Variants in ROBO1 observed in about 807,000 individuals in gnomAD.
ROBO1 encodes the protein roundabout guidance receptor 1.
ROBO1 carries 149 observed loss-of-function variants against 195.9 expected under a neutral mutation model. That is an observed-to-expected ratio of 0.76 (90% CI 0.67 to 0.87). The LOEUF is 0.87. Among genes scored for constraint, ROBO1 ranks in the 40% least tolerant of loss-of-function variants. The probability of loss-of-function intolerance (pLI) is 0.00; values close to 1 mark genes in which losing one functional copy is unlikely to be tolerated. For missense variants in ROBO1, 1,933 were observed against 2,068.3 expected (o/e 0.93, Z 1.27); for synonymous variants, 816 against 733.2 (o/e 1.11, Z -1.82).
intron 5 of ROBO1, among the ~76,000 whole-genome samples, chr3:78,730,789 T>A (rs2082268833): frequency 6.6e-6 from 1 of 152,098 alleles, no homozygotes; most frequent in South Asian, 2.1e-4. Context: ...CATAAATAAA[T>A]CCCATATCTT....
intron 4 of ROBO1, among the ~76,000 whole-genome samples, chr3:78,874,627 A>C (rs1012606018): frequency 6.6e-6 from 1 of 151,870 alleles, no homozygotes; most frequent in Non-Finnish European, 1.5e-5. Context: ...CTTTTGCTTT[A>C]TACTAATTAT....
chr3:79,394,195 A>G (rs1016481562), intron 2 of ROBO1, among the ~76,000 whole-genome samples: 1 of 152,156 alleles, frequency 6.6e-6, no homozygotes, highest in Non-Finnish European at 1.5e-5. Flanking sequence ...CAGGTCAGAA[A>G]AGAGTAGACT....
intron 1 of ROBO1, among the ~76,000 whole-genome samples, chr3:79,625,086 C>T (rs1389663692): frequency 1.3e-5 from 2 of 152,006 alleles, no homozygotes; most frequent in Non-Finnish European, 2.9e-5. Flanking sequence ...GAACAACCTG[C>T]TTCTGAATGA....
At chr3:79,610,287 C>G (rs1183234948) in intron 1 of ROBO1, among the ~76,000 whole-genome samples, 1 of 151,458 alleles carries the variant, frequency 6.6e-6, no homozygotes, top group Admixed American at 6.6e-5. Context: ...AAAGTAGGTA[C>G]AATATGATAT....
intron 3 of ROBO1, among the ~76,000 whole-genome samples, chr3:79,089,345 G>A (rs1188441799): frequency 6.6e-6 from 1 of 151,984 alleles, no homozygotes; most frequent in Non-Finnish European, 1.5e-5. Flanking sequence ...CTAAAAATTG[G>A]CACTTTCCAG....
chr3:79,067,180 A>G (rs1209750540), intron 3 of ROBO1, among the ~76,000 whole-genome samples: 1 of 152,006 alleles, frequency 6.6e-6, no homozygotes, highest in Non-Finnish European at 1.5e-5. Flanking sequence ...GATATGTCTC[A>G]TGATTTTAAG....
At chr3:79,316,383 C>A (rs2033739177) in intron 2 of ROBO1, among the ~76,000 whole-genome samples, 2 of 152,128 alleles carry the variant, frequency 1.3e-5, no homozygotes, top group South Asian at 4.1e-4. Context: ...ATGGTTGAAG[C>A]ATATATTTAA....
At chr3:78,901,977 C>T (rs766949336) in intron 4 of ROBO1, among the ~76,000 whole-genome samples, 4 of 152,126 alleles carry the variant, frequency 2.6e-5, no homozygotes, top group African/African-American at 9.7e-5. Flanking sequence ...TTCTTTCCAG[C>T]ATATTACATT....
chr3:79,384,525 C>T (rs2036671068), intron 2 of ROBO1, among the ~76,000 whole-genome samples: 1 of 151,730 alleles, frequency 6.6e-6, no homozygotes, highest in Admixed American at 6.6e-5. Flanking sequence ...AGCACATAAA[C>T]CCAAGAAACT....
intron 4 of ROBO1, among the ~76,000 whole-genome samples, chr3:78,774,735 C>G (rs1302971814): frequency 2.0e-5 from 3 of 152,092 alleles, no homozygotes; most frequent in African/African-American, 7.2e-5. Flanking sequence ...TGTGTCCCTT[C>G]TTGAACAAAC....
At chr3:79,094,589 G>A (rs1238969770) in intron 3 of ROBO1, among the ~76,000 whole-genome samples, 3 of 152,064 alleles carry the variant, frequency 2.0e-5, no homozygotes, top group Non-Finnish European at 2.9e-5. Context: ...TTACTTAAAT[G>A]CTCAAGGATA....
intron 3 of ROBO1, among the ~76,000 whole-genome samples, chr3:79,034,173 T>G (rs190961445): frequency 6.6e-6 from 1 of 152,342 alleles, no homozygotes; most frequent in African/African-American, 2.4e-5. Context: ...ATACTATTAT[T>G]ATAACAAAAT....
intron 4 of ROBO1, among the ~76,000 whole-genome samples, chr3:78,853,820 C>T (rs926050885): frequency 6.6e-6 from 1 of 152,058 alleles, no homozygotes; most frequent in African/African-American, 2.4e-5. Flanking sequence ...GCAAAAAGGA[C>T]ATCTTATGTG....
chr3:78,687,931 G>A (rs12106862), intron 9 of ROBO1, among the ~76,000 whole-genome samples: 38,477 of 152,010 alleles, frequency 0.25, 5,036 homozygotes, highest in African/African-American at 0.31. Context: ...GTGCCCAGCC[G>A]CGTTTTTGTT....
chr3:79,520,157 CAAAA>C (rs111705222), intron 2 of ROBO1, among the ~76,000 whole-genome samples: 1 of 96,464 alleles, frequency 1.0e-5, no homozygotes, highest in Non-Finnish European at 2.3e-5. Context: ...AAGATTCTAT[CAAAA>C]AAAAAAAAAA....
intron 4 of ROBO1, among the ~76,000 whole-genome samples, chr3:78,922,590 C>G (rs542921028): frequency 2.0e-4 from 30 of 147,262 alleles, no homozygotes; most frequent in Admixed American, 1.4e-3. Context: ...TTTTCTTCTT[C>G]TCCTTCTTCT....
chr3:79,679,655 G>T (rs1222655443), intron 1 of ROBO1, among the ~76,000 whole-genome samples: 1 of 151,940 alleles, frequency 6.6e-6, no homozygotes, highest in African/African-American at 2.4e-5. Flanking sequence ...ATTTCAGTTT[G>T]TTCTCCTTTT....
intron 2 of ROBO1, among the ~76,000 whole-genome samples, chr3:79,314,872 C>G (rs1273597858): frequency 1.3e-5 from 2 of 152,192 alleles, no homozygotes; most frequent in African/African-American, 4.8e-5. Context: ...ATTACTGTCA[C>G]TTCTTCTATT....
At chr3:79,267,773 T>C (rs956286191) in intron 2 of ROBO1, among the ~76,000 whole-genome samples, 2 of 151,516 alleles carry the variant, frequency 1.3e-5, no homozygotes, top group East Asian at 3.9e-4. Context: ...TGTTCCTGAT[T>C]TATAGCAACT....
Sources: allele counts gnomAD v4.1 joint callset (sites outside exome capture counted in the v4.1 genomes callset), GRCh38; gene constraint gnomAD v4.1.1; transcripts MANE v1.5; gene names NCBI Gene and HGNC (gene_info 2026-07-23, HGNC 2026-07-21).